MARCHF4: variants seen among roughly 807,000 people sequenced by gnomAD.
The protein encoded by MARCHF4 is membrane associated ring-CH-type finger 4, also known as E3 ubiquitin-protein ligase MARCHF4.
In MARCHF4, 14 loss-of-function variants were observed where a neutral mutation model predicts 43.9. The ratio of observed to expected loss-of-function variants is 0.32; its 90% confidence interval spans 0.21 to 0.50. The LOEUF is 0.50. Among genes scored for constraint, MARCHF4 ranks in the 20% least tolerant of loss-of-function variants. MARCHF4 has a pLI of 0.98. For synonymous variants in MARCHF4, 226 were observed against 213.3 expected (o/e 1.06, Z -0.52); for missense variants, 468 against 536.7 (o/e 0.87, Z 1.27).
At chr2:216,277,921 A>C (rs1574461543) in intron 2 of MARCHF4, 57 bp from the exon 3 acceptor site, 2 of 1,473,210 alleles carry the variant, frequency 1.4e-6, no homozygotes, top group Non-Finnish European at 1.8e-6. Flanking sequence ...TCCCATTCCC[A>C]CCCCTCTTCT....
chr2:216,306,826 G>A (rs1196672767), intron 1 of MARCHF4, among the ~76,000 whole-genome samples: 1 of 151,594 alleles, frequency 6.6e-6, no homozygotes, highest in African/African-American at 2.4e-5. Flanking sequence ...CCAGGACTTT[G>A]GGTGTTAAAA....
rs561212954 is a variant in MARCHF4 at position 216,325,370 on chromosome 2, T to C, written c.517-41641A>G. Among the ~76,000 whole-genome samples, 1,121 of 152,242 alleles carry C rather than the reference T, an allele frequency of 7.4e-3. 10 individuals carry two copies. The highest frequency in any genetic ancestry group is 0.026 in the African/African-American group (1,063 of 41,542). On this transcript the variant is annotated intron_variant, in intron 1 of 3. Coordinates refer to ENST00000273067, the MANE Select transcript of MARCHF4 (RefSeq NM_020814.3). ...GCTCATGGGTAGGAAGAATCAATAT[T>C]GTGAAAATGGCCATACTGCCCAAGG...
At chr2:216,265,272 T>C (rs1247079666) in intron 3 of MARCHF4, among the ~76,000 whole-genome samples, 1 of 152,230 alleles carries the variant, frequency 6.6e-6, no homozygotes, top group Non-Finnish European at 1.5e-5. Flanking sequence ...AATGGTGTTC[T>C]AGTGGTCACC....
chr2:216,351,695 C>T (rs1692406919), intron 1 of MARCHF4, among the ~76,000 whole-genome samples: 1 of 152,128 alleles, frequency 6.6e-6, no homozygotes, highest in African/African-American at 2.4e-5. Flanking sequence ...ATGGCTATGG[C>T]TAGCACAGCA....
intron 3 of MARCHF4, among the ~76,000 whole-genome samples, chr2:216,262,612 G>A (rs1690760024): frequency 6.6e-6 from 1 of 152,134 alleles, no homozygotes; most frequent in Non-Finnish European, 1.5e-5. Flanking sequence ...TGGAGGTGGT[G>A]TGGTTACTAG....
chr2:216,291,638 A>G (rs1574465714), intron 1 of MARCHF4, among the ~76,000 whole-genome samples: 1 of 152,168 alleles, frequency 6.6e-6, no homozygotes, highest in East Asian at 1.9e-4. Context: ...AGATCTCCTC[A>G]CTTCTAAGCC....
chr2:216,351,259 G>C (rs1164705050), intron 1 of MARCHF4: 2 of 152,588 alleles, frequency 1.3e-5, no homozygotes, highest in East Asian at 1.9e-4. Flanking sequence ...GCAAGGAAAA[G>C]AACATCTTGG....
intron 1 of MARCHF4, among the ~76,000 whole-genome samples, chr2:216,312,307 T>C (rs886415613): frequency 1.2e-4 from 18 of 152,240 alleles, no homozygotes; most frequent in Non-Finnish European, 1.0e-4. Flanking sequence ...TTTATGTCTA[T>C]GTAATATTCC....
chr2:216,259,522 C>T lies in MARCHF4; in HGVS notation c.1023G>A (p.Gln341=). 6 of 1,614,170 alleles carry T rather than the reference C, an allele frequency of 3.7e-6. No individual in the cohort carries two copies. Among genetic ancestry groups the T allele is most frequent in the Non-Finnish European group, 5.1e-6 (6 of 1,180,024 alleles). ...CCTCTTCCGAGGAGGGGATATTGGCCTGGGTGGATGAGGAGGTCCGGGGGT... is the reference window on the plus strand; with the variant it reads ...CCTCTTCCGAGGAGGGGATATTGGCTTGGGTGGATGAGGAGGTCCGGGGGT... The part of the protein sequence containing the change: ...RTNPRTSSST[Q]ANIPSSEEET... The change falls in exon 4 of 4, where the codon CAG becomes CAA. Residue 341 remains glutamine, a synonymous_variant. Transcript: ENST00000273067.
chr2:216,298,586 T>A (rs1207781198), intron 1 of MARCHF4, among the ~76,000 whole-genome samples: 1 of 152,232 alleles, frequency 6.6e-6, no homozygotes, highest in African/African-American at 2.4e-5. Context: ...TTTTAAGGTA[T>A]GTTTTCCTGC....
At chr2:216,304,616 T>C (rs929456079) in intron 1 of MARCHF4, among the ~76,000 whole-genome samples, 27 of 152,198 alleles carry the variant, frequency 1.8e-4, no homozygotes, top group African/African-American at 6.3e-4. Flanking sequence ...GCCAACATAA[T>C]GTATTTTTGT....
chr2:216,365,811 C>A (rs1479778329), intron 1 of MARCHF4, among the ~76,000 whole-genome samples: 1 of 152,180 alleles, frequency 6.6e-6, no homozygotes, highest in African/African-American at 2.4e-5. Flanking sequence ...TCTCTATCAG[C>A]CCCTGTGATG....
At chr2:216,290,724 T>A (rs1292797033) in intron 1 of MARCHF4, among the ~76,000 whole-genome samples, 1 of 152,108 alleles carries the variant, frequency 6.6e-6, no homozygotes, top group Admixed American at 6.5e-5. Context: ...TCAGGATACA[T>A]TTTGAGGATG....
At chr2:216,278,482 C>T (rs1691070685) in intron 2 of MARCHF4, among the ~76,000 whole-genome samples, 1 of 152,174 alleles carries the variant, frequency 6.6e-6, no homozygotes, top group Non-Finnish European at 1.5e-5. Context: ...ACCTCGGCCT[C>T]CCAAAGTGCT....
chr2:216,278,034 C>T (rs1442333650), intron 2 of MARCHF4, among the ~76,000 whole-genome samples, 170 bp from the exon 3 acceptor site: 3 of 152,162 alleles, frequency 2.0e-5, no homozygotes, highest in Non-Finnish European at 4.4e-5. Context: ...TCACATTGAA[C>T]TTTTGATGCA....
intron 1 of MARCHF4, among the ~76,000 whole-genome samples, chr2:216,323,929 C>A (rs1258981871): frequency 6.6e-6 from 1 of 152,070 alleles, no homozygotes; most frequent in East Asian, 1.9e-4. Flanking sequence ...CAAACACATT[C>A]AAAAGACAGC....
intron 1 of MARCHF4, among the ~76,000 whole-genome samples, chr2:216,340,865 A>G (rs4674077): frequency 0.35 from 52,619 of 152,054 alleles, 10,450 homozygotes; most frequent in East Asian, 0.67. Flanking sequence ...CAGTCTACTC[A>G]GTGATATGAA....
intron 1 of MARCHF4, among the ~76,000 whole-genome samples, chr2:216,330,712 A>T (rs998824869): frequency 2.0e-5 from 3 of 152,194 alleles, no homozygotes; most frequent in African/African-American, 7.2e-5. Flanking sequence ...ATAACAAAAA[A>T]ACCCTAAAAT....
chr2:216,337,622 C>T lies in MARCHF4; in HGVS notation c.516+32123G>A, dbSNP rs1030862017. ...ACTCATTAGCTTAGAAGCCAGGACA[C>T]GCTTCCAAGGTATATGGCCTTATAT... On this transcript the variant is annotated intron_variant, in intron 1 of 3. Transcript: ENST00000273067. Among the ~76,000 whole-genome samples the T allele has an allele frequency of 1.3e-4, 20 of 152,298 alleles. No homozygotes were observed. The South Asian group carries it at 1.7e-3, about 13-fold the overall frequency.
Sources: allele counts gnomAD v4.1 joint callset (sites outside exome capture counted in the v4.1 genomes callset), GRCh38; gene constraint gnomAD v4.1.1; transcripts MANE v1.5; gene names NCBI Gene and HGNC (gene_info 2026-07-23, HGNC 2026-07-21).